THSD4: variants seen among roughly 807,000 people sequenced by gnomAD.
THSD4 encodes the protein thrombospondin type 1 domain containing 4.
In THSD4, 69 loss-of-function variants were observed where a neutral mutation model predicts 119.0. That is an observed-to-expected ratio of 0.58 (90% CI 0.48 to 0.71). The LOEUF is 0.71. Ranked by LOEUF, THSD4 falls within the 30% of genes least tolerant of loss-of-function variation. The pLI, the probability that THSD4 is intolerant of heterozygous loss-of-function variation, is 0.00. For synonymous variants in THSD4, 524 were observed against 540.4 expected, an observed-to-expected ratio of 0.97 and a Z score of 0.42; for missense variants, 1,393 against 1,391.1, an observed-to-expected ratio of 1.00 and a Z score of -0.02.
chr15:71,680,820 A>G (rs2051759025), intron 8 of THSD4, among the ~76,000 whole-genome samples: 1 of 152,062 alleles, frequency 6.6e-6, no homozygotes, highest in African/African-American at 2.4e-5. Context: ...TCATAGGGTT[A>G]TTGGGAAGGT....
chr15:71,300,603 T>C, intron 6 of THSD4, among the ~76,000 whole-genome samples: 1 of 152,232 alleles, frequency 6.6e-6, no homozygotes, highest in Admixed American at 6.5e-5. Flanking sequence ...CTTTTTAAAC[T>C]CTTATCAATC....
upstream of THSD4, chr15:71,096,942 T>C (rs1384623287): frequency 6.6e-6 from 1 of 152,210 alleles, no homozygotes; most frequent in Non-Finnish European, 1.5e-5. Flanking sequence ...ATCTAACTTG[T>C]CCTTACTGGA....
rs1452430920 is a variant in THSD4, at chr15:71,141,565, A to C, written c.29+9A>C. The C allele has an allele frequency of 6.2e-7, 1 of 1,605,954 alleles. No homozygotes were observed. The highest frequency in any genetic ancestry group is 8.5e-7 in the Non-Finnish European group (1 of 1,176,962). On this transcript the variant is annotated intron_variant, in intron 2 of 17. Transcript: ENST00000261862. ...TTCATGGGGTCTCTCAGGTAAGTGAAGAAACTTTTTTTAAAAAAACAGGAG... is the reference window on the plus strand; with the variant it reads ...TTCATGGGGTCTCTCAGGTAAGTGACGAAACTTTTTTTAAAAAAACAGGAG...
At chr15:71,614,807 G>A (rs1351096222) in intron 7 of THSD4, among the ~76,000 whole-genome samples, 1 of 152,136 alleles carries the variant, frequency 6.6e-6, no homozygotes, top group Non-Finnish European at 1.5e-5. Context: ...ACTAGGGGAT[G>A]ATTACTTCCT....
intron 6 of THSD4, among the ~76,000 whole-genome samples, chr15:71,343,984 G>A (rs2045617777): frequency 1.3e-5 from 2 of 151,536 alleles, no homozygotes; most frequent in Non-Finnish European, 2.9e-5. Flanking sequence ...AAAGTGATGG[G>A]GGTGGGGTGG....
At chr15:71,733,325 C>G (rs890361349) in intron 10 of THSD4, 2 of 152,172 alleles carry the variant, frequency 1.3e-5, no homozygotes, top group African/African-American at 2.4e-5. Context: ...GCTGTGCACC[C>G]TCAGGCGGGT....
chr15:71,282,410 G>A (rs942624946), intron 6 of THSD4, among the ~76,000 whole-genome samples: 17 of 76,688 alleles, frequency 2.2e-4, no homozygotes, highest in Admixed American at 2.1e-4. Flanking sequence ...TTTAAAAAAG[G>A]AAGAAATAGG....
At chr15:71,450,373 G>C (rs2047245507) in intron 7 of THSD4, among the ~76,000 whole-genome samples, 1 of 152,042 alleles carries the variant, frequency 6.6e-6, no homozygotes, top group Admixed American at 6.6e-5. Flanking sequence ...ATTTTCACCT[G>C]AGAGCTATGC....
At chr15:71,184,966 C>T (rs2043583923) in intron 3 of THSD4, among the ~76,000 whole-genome samples, 6 of 151,720 alleles carry the variant, frequency 4.0e-5, no homozygotes. Context: ...CCCATTTCTT[C>T]CCTGCCTTTA....
chr15:71,134,856 C>T (rs948472955), intron 1 of THSD4, among the ~76,000 whole-genome samples: 2 of 152,074 alleles, frequency 1.3e-5, no homozygotes, highest in African/African-American at 4.8e-5. Flanking sequence ...ACCCAGCCAT[C>T]CCATTACTGG....
At chr15:71,301,907 G>A (rs1319324326) in intron 6 of THSD4, among the ~76,000 whole-genome samples, 1 of 152,168 alleles carries the variant, frequency 6.6e-6, no homozygotes, top group African/African-American at 2.4e-5. Context: ...GATGCCTTTT[G>A]AGCGAGCCCT....
At chr15:71,287,630 T>C (rs1322360518) in intron 6 of THSD4, among the ~76,000 whole-genome samples, 5 of 152,208 alleles carry the variant, frequency 3.3e-5, no homozygotes, top group Non-Finnish European at 7.3e-5. Flanking sequence ...ACTTTAAAAA[T>C]AGCCTTTTGT....
At chr15:71,696,732 GA>G (rs1186019425) in intron 8 of THSD4, among the ~76,000 whole-genome samples, 1 of 152,170 alleles carries the variant, frequency 6.6e-6, no homozygotes, top group African/African-American at 2.4e-5. Flanking sequence ...TTTAACTAAA[GA>G]GAGAAAGAAT....
chr15:71,305,620 AGATT>A (rs2045013087), intron 6 of THSD4, among the ~76,000 whole-genome samples: 1 of 152,194 alleles, frequency 6.6e-6, no homozygotes, highest in Admixed American at 6.5e-5. Flanking sequence ...AGGATAAATG[AGATT>A]GTTATTGTAA....
intron 17 of THSD4, among the ~76,000 whole-genome samples, chr15:71,774,472 G>T (rs1048761275): frequency 1.3e-5 from 2 of 152,174 alleles, no homozygotes; most frequent in African/African-American, 4.8e-5. Flanking sequence ...CCGCATGGGG[G>T]ATAGGTCAAG....
chr15:71,532,063 G>T (rs1176843754), intron 7 of THSD4, among the ~76,000 whole-genome samples: 1 of 144,940 alleles, frequency 6.9e-6, no homozygotes, highest in Non-Finnish European at 1.5e-5. Flanking sequence ...CTAAAATACA[G>T]TCCAAGCCAT....
At chr15:71,544,346 T>C (rs2048805259) in intron 7 of THSD4, among the ~76,000 whole-genome samples, 1 of 152,216 alleles carries the variant, frequency 6.6e-6, no homozygotes, top group Non-Finnish European at 1.5e-5. Context: ...AAAATAATTT[T>C]AGTAATACTG....
chr15:71,764,077 TAAATA>T (rs2053672580), intron 15 of THSD4, among the ~76,000 whole-genome samples: 1 of 136,554 alleles, frequency 7.3e-6, no homozygotes, highest in South Asian at 2.3e-4. Flanking sequence ...AAAAAAAAAA[TAAATA>T]AATAAAAGAA....
At chr15:71,715,969 T>C (rs1210078014) in intron 8 of THSD4, among the ~76,000 whole-genome samples, 1 of 152,186 alleles carries the variant, frequency 6.6e-6, no homozygotes, top group Admixed American at 6.5e-5. Context: ...CATAACAAGA[T>C]ACCACAAACT....
Sources: allele counts gnomAD v4.1 joint callset (sites outside exome capture counted in the v4.1 genomes callset), GRCh38; gene constraint gnomAD v4.1.1; transcripts MANE v1.5; gene names NCBI Gene and HGNC (gene_info 2026-07-23, HGNC 2026-07-21).